ZNF652: variants seen among roughly 807,000 people sequenced by gnomAD.
ZNF652 encodes the protein zinc finger protein 652.
In ZNF652, 16 loss-of-function variants were observed where a neutral mutation model predicts 45.2. The ratio of observed to expected loss-of-function variants is 0.35; its 90% CI spans 0.24 to 0.54. The LOEUF (loss-of-function observed/expected upper bound fraction) is 0.54, where lower values mean the gene tolerates loss of function less well. Ranked by LOEUF, ZNF652 falls within the 20% of genes least tolerant of loss-of-function variation. ZNF652 has a pLI of 0.91. For missense variants in ZNF652, 614 were observed against 765.6 expected (o/e 0.80, Z 2.34); for synonymous variants, 250 against 260.6 (o/e 0.96, Z 0.39).
At chr17:49,333,916 CAT>C (rs1316867294) in intron 1 of ZNF652, among the ~76,000 whole-genome samples, 3 of 151,808 alleles carry the variant, frequency 2.0e-5, no homozygotes, top group Non-Finnish European at 4.4e-5. Flanking sequence ...TTGGAAGCCT[CAT>C]ATGTTACTGG....
At position 49,342,023 on chromosome 17, in the gene ZNF652, T is replaced by C. The variant is rs542928354; in HGVS notation, c.-259+19886A>G. ...CAATATGGCGAAACCCCATCTCTACTAAAAGTACAAAAATTAGCCGGGCAT... is the reference window on the plus strand; with the variant it reads ...CAATATGGCGAAACCCCATCTCTACCAAAAGTACAAAAATTAGCCGGGCAT... On this transcript the variant is annotated intron_variant, in intron 1 of 5. Transcript: ENST00000430262. 2.6e-4 allele frequency among the ~76,000 whole-genome samples: 39 copies of C among 151,800 alleles called. 2 individuals are homozygous for C. The South Asian group carries it at 8.1e-3, about 32-fold the overall frequency.
intron 5 of ZNF652, among the ~76,000 whole-genome samples, chr17:49,310,898 G>A (rs1213530051): frequency 2.0e-5 from 3 of 152,106 alleles, no homozygotes; most frequent in African/African-American, 7.2e-5. Context: ...AAGAGACCCT[G>A]TCTTAAAATG....
rs146308992 is a variant in ZNF652 at position 49,339,521 on chromosome 17, A to C, written c.-258-21538T>G. On this transcript the variant is annotated intron_variant, in intron 1 of 5. Coordinates refer to ENST00000430262, the MANE Select transcript of ZNF652 (RefSeq NM_001145365.3). ...AGTAAACCTCGTGGCACTAGCCAGA[A>C]ATCGTTGCAACTTTGGAACTTCCAA... Among the ~76,000 whole-genome samples, 70 of 152,224 alleles carry C rather than the reference A, an allele frequency of 4.6e-4. 1 individual carries two copies. The highest frequency in any genetic ancestry group is 1.6e-3 in the African/African-American group (67 of 41,544).
chr17:49,314,504 C>T (rs2143785510), intron 2 of ZNF652, among the ~76,000 whole-genome samples: 1 of 152,164 alleles, frequency 6.6e-6, no homozygotes, highest in East Asian at 1.9e-4. Flanking sequence ...TTAGTCTAAA[C>T]TTTAATTAAC....
chr17:49,327,730 AATATATATATATAT>A (rs68056731), intron 1 of ZNF652, among the ~76,000 whole-genome samples: 25 of 61,410 alleles, frequency 4.1e-4, no homozygotes, highest in East Asian at 2.0e-3. Context: ...TAAATAAATA[AATATATATATATAT>A]ATATATATAT....
At chr17:49,337,220 T>C (rs1260061563) in intron 1 of ZNF652, among the ~76,000 whole-genome samples, 1 of 151,004 alleles carries the variant, frequency 6.6e-6, no homozygotes, top group Non-Finnish European at 1.5e-5. Context: ...CCTACAATCT[T>C]AGCTATTCAA....
intron 5 of ZNF652, among the ~76,000 whole-genome samples, chr17:49,306,692 C>T (rs2069633576): frequency 6.6e-6 from 1 of 152,170 alleles, no homozygotes; most frequent in Non-Finnish European, 1.5e-5. Flanking sequence ...TATAATAATC[C>T]TACTTCCAAA....
intron 5 of ZNF652, among the ~76,000 whole-genome samples, chr17:49,308,715 T>C (rs1243786995): frequency 6.6e-6 from 1 of 151,536 alleles, no homozygotes; most frequent in African/African-American, 2.4e-5. Flanking sequence ...GGCAGGAAAA[T>C]TGCTTGAACC....
At chr17:49,349,208 G>C (rs920470131) in intron 1 of ZNF652, among the ~76,000 whole-genome samples, 9 of 152,104 alleles carry the variant, frequency 5.9e-5, no homozygotes, top group African/African-American at 2.2e-4. Context: ...GAACACCTGA[G>C]GTCAGGAGTT....
At chr17:49,314,193 A>C (rs1251991090) in intron 2 of ZNF652, among the ~76,000 whole-genome samples, 2 of 151,092 alleles carry the variant, frequency 1.3e-5, no homozygotes, top group Non-Finnish European at 2.9e-5. Context: ...ATGGAGTCTC[A>C]CTCTGTCGCC....
At chr17:49,308,480 T>C (rs1416875580) in intron 5 of ZNF652, among the ~76,000 whole-genome samples, 1 of 152,088 alleles carries the variant, frequency 6.6e-6, no homozygotes, top group African/African-American at 2.4e-5. Context: ...TCCAGGTGCA[T>C]ATGAATTACA....
At position 49,320,149 on chromosome 17, in the gene ZNF652, C is replaced by CT. The variant is rs1201834603; in HGVS notation, c.-258-2167dup. On this transcript the variant is annotated intron_variant, in intron 1 of 5. Transcript: ENST00000430262. ...CATGCTCCCAATAGTTATATCACAA[C>CT]TTTGAAAAAAATCAGTATTTATTAT... is the stretch of plus-strand genomic sequence containing the variant. 2.6e-5 allele frequency among the ~76,000 whole-genome samples: 4 copies of CT among 152,182 alleles called. 1 individual carries two copies. In the South Asian group the frequency reaches 6.2e-4, roughly 24 times the overall value.
At chr17:49,357,962 C>T (rs772509994) in intron 1 of ZNF652, among the ~76,000 whole-genome samples, 4 of 152,176 alleles carry the variant, frequency 2.6e-5, no homozygotes, top group Non-Finnish European at 5.9e-5. Flanking sequence ...TGAAAAAATG[C>T]AGATCGCAGT....
At chr17:49,345,444 T>C (rs1868822870) in intron 1 of ZNF652, among the ~76,000 whole-genome samples, 1 of 151,172 alleles carries the variant, frequency 6.6e-6, no homozygotes, top group African/African-American at 2.4e-5. Context: ...TAAAGTGATA[T>C]GCCCACCTCG....
At chr17:49,329,773 T>C (rs1223635011) in intron 1 of ZNF652, among the ~76,000 whole-genome samples, 2 of 152,228 alleles carry the variant, frequency 1.3e-5, no homozygotes, top group Non-Finnish European at 2.9e-5. Flanking sequence ...AATATGCAAG[T>C]GCAACTAGTA....
chr17:49,296,233 T>A lies in ZNF652; in HGVS notation c.*2180A>T, dbSNP rs549962381. 4 of 152,696 alleles carry A rather than the reference T, an allele frequency of 2.6e-5. No homozygotes were observed. 9.5% of individuals were successfully genotyped at this position (152,696 alleles called of 1,614,324 possible). On this transcript the variant is annotated 3_prime_UTR_variant, in exon 6 of 6. Transcript: ENST00000430262. ...TACAAATATTAAAAATACCATTCTT[T>A]AAAACTTACATCCAAAACCAGGAAG...
chr17:49,348,666 G>C (rs1032056360), intron 1 of ZNF652, among the ~76,000 whole-genome samples: 1 of 152,078 alleles, frequency 6.6e-6, no homozygotes, highest in African/African-American at 2.4e-5. Flanking sequence ...AGTCAATTGG[G>C]ACATACACAT....
intron 1 of ZNF652, among the ~76,000 whole-genome samples, chr17:49,359,570 G>A (rs2070371765): frequency 6.6e-6 from 1 of 152,162 alleles, no homozygotes; most frequent in Non-Finnish European, 1.5e-5. Context: ...CCGGTACTGT[G>A]CTTAAAATTA....
chr17:49,356,875 T>C (rs2070343089), intron 1 of ZNF652, among the ~76,000 whole-genome samples: 1 of 151,998 alleles, frequency 6.6e-6, no homozygotes, highest in Non-Finnish European at 1.5e-5. Context: ...AATTACAGAA[T>C]AATTTAATTC....
Sources: allele counts gnomAD v4.1 joint callset (sites outside exome capture counted in the v4.1 genomes callset), GRCh38; gene constraint gnomAD v4.1.1; transcripts MANE v1.5; gene names NCBI Gene and HGNC (gene_info 2026-07-23, HGNC 2026-07-21).